The following ITPRID1 variants were observed in gnomAD, a reference collection of about 807,000 sequenced individuals.
The protein encoded by ITPRID1 is protein ITPRID1.
ITPRID1 carries 96 observed loss-of-function variants against 95.4 expected under a neutral mutation model. The ratio of observed to expected loss-of-function variants is 1.01; its 90% CI spans 0.85 to 1.19. The LOEUF (loss-of-function observed/expected upper bound fraction) is 1.19, where lower values mean the gene tolerates loss of function less well. ITPRID1 is among the 50% of genes most tolerant of loss of function. The pLI, the probability that ITPRID1 is intolerant of heterozygous loss-of-function variation, is 0.00. For synonymous variants in ITPRID1, 510 were observed against 453.6 expected (o/e 1.12, Z -1.58); for missense variants, 1,339 against 1,252.9 (o/e 1.07, Z -1.04).
chr7:31,616,813 C>T (rs898939715), intron 10 of ITPRID1, among the ~76,000 whole-genome samples: 33 of 152,002 alleles, frequency 2.2e-4, no homozygotes, highest in African/African-American at 7.5e-4. Context: ...AGCATAAAAA[C>T]ATTAGATTGT....
chr7:31,634,190 C>T (rs1490335677), intron 10 of ITPRID1, among the ~76,000 whole-genome samples: 1 of 152,158 alleles, frequency 6.6e-6, no homozygotes, highest in Non-Finnish European at 1.5e-5. Context: ...GTAGAGTAGT[C>T]CTGCCCCAAG....
chr7:31,536,935 G>A (rs998253179), intron 1 of ITPRID1, among the ~76,000 whole-genome samples: 22 of 152,234 alleles, frequency 1.4e-4, no homozygotes, highest in African/African-American at 4.6e-4. Context: ...GTCTTGGAAA[G>A]CTTAGAGGAG....
At chr7:31,537,103 G>GTGTGTT (rs1783785570) in intron 1 of ITPRID1, among the ~76,000 whole-genome samples, 1 of 119,858 alleles carries the variant, frequency 8.3e-6, no homozygotes, top group Non-Finnish European at 2.1e-5. Flanking sequence ...TGTTGTGTGT[G>GTGTGTT]TGTGTGTGTG....
chr7:31,638,295 T>A (rs1427625617), intron 10 of ITPRID1, among the ~76,000 whole-genome samples: 1 of 152,184 alleles, frequency 6.6e-6, no homozygotes, highest in Non-Finnish European at 1.5e-5. Flanking sequence ...ACTAGTAAAT[T>A]TCTTATAATA....
chr7:31,648,330 AAAAG>A (rs1440546139), intron 12 of ITPRID1, among the ~76,000 whole-genome samples: 1 of 151,366 alleles, frequency 6.6e-6, no homozygotes, highest in African/African-American at 2.4e-5. Flanking sequence ...TATTGTAAGA[AAAAG>A]AAGAAGAAGA....
At chr7:31,634,384 G>A (rs1009501505) in intron 10 of ITPRID1, among the ~76,000 whole-genome samples, 3 of 152,046 alleles carry the variant, frequency 2.0e-5, no homozygotes, top group African/African-American at 7.2e-5. Context: ...ACATTATGTA[G>A]CCTATATATT....
At position 31,574,599 on chromosome 7, in the gene ITPRID1, G is replaced by C. The variant is rs753275532; in HGVS notation, c.455G>C (p.Gly152Ala). ...IDPVEILLDL[G>A]FGADEPDICM... ...CCAGTGGAGATTCTCTTGGATCTGG[G>C]GTTTGGTGCTGATGAGCCAGACATC... The change falls in exon 8 of 15, where the codon GGG becomes GCG. Residue 152 changes from glycine to alanine, a missense_variant. Transcript: ENST00000615280. 2 of 1,613,898 alleles carry C rather than the reference G, an allele frequency of 1.2e-6. No homozygotes were observed. The highest frequency in any genetic ancestry group is 1.7e-6 in the Non-Finnish European group (2 of 1,179,846).
At chr7:31,537,382 C>T (rs895930813) in intron 1 of ITPRID1, among the ~76,000 whole-genome samples, 1 of 152,070 alleles carries the variant, frequency 6.6e-6, no homozygotes, top group Non-Finnish European at 1.5e-5. Context: ...TTTACTGCTT[C>T]ACAAATATGA....
intron 10 of ITPRID1, among the ~76,000 whole-genome samples, chr7:31,622,073 C>G (rs1342051162): frequency 5.0e-5 from 7 of 140,694 alleles, no homozygotes; most frequent in Non-Finnish European, 9.3e-5. Flanking sequence ...AATATATATG[C>G]ACCCAATACA....
intron 1 of ITPRID1, among the ~76,000 whole-genome samples, chr7:31,530,430 A>AG (rs1783558950): frequency 1.3e-5 from 2 of 152,224 alleles, no homozygotes; most frequent in Admixed American, 6.5e-5. Flanking sequence ...GATAAAATTT[A>AG]GGATGCCCAG....
intron 1 of ITPRID1, among the ~76,000 whole-genome samples, chr7:31,526,680 T>C (rs889718953): frequency 6.6e-6 from 1 of 152,170 alleles, no homozygotes; most frequent in Non-Finnish European, 1.5e-5. Context: ...GTTGGAAAAC[T>C]GAGATCAATT....
intron 10 of ITPRID1, among the ~76,000 whole-genome samples, chr7:31,600,728 C>G (rs745488991): frequency 6.6e-6 from 1 of 152,090 alleles, no homozygotes; most frequent in Non-Finnish European, 1.5e-5. Flanking sequence ...TGGGAATCAT[C>G]GAGGCTTTCT....
intron 1 of ITPRID1, among the ~76,000 whole-genome samples, chr7:31,543,942 T>C (rs1181872219): frequency 6.6e-6 from 1 of 152,114 alleles, no homozygotes. Context: ...TAGTTTTTGA[T>C]CTAGATTAGT....
chr7:31,553,354 C>A (rs1463039342), intron 3 of ITPRID1, among the ~76,000 whole-genome samples, 167 bp downstream of exon 3: 1 of 152,206 alleles, frequency 6.6e-6, no homozygotes, highest in East Asian at 1.9e-4. Context: ...GCACTTCTGA[C>A]TTCTGCTATA....
intron 14 of ITPRID1, 31 bp downstream of exon 14, chr7:31,652,081 T>G: frequency 6.9e-7 from 1 of 1,448,812 alleles, no homozygotes; most frequent in Non-Finnish European, 9.5e-7. Flanking sequence ...AGTTTGACTA[T>G]ATCCAGCCTA....
At chr7:31,609,493 C>A (rs891193231) in intron 10 of ITPRID1, among the ~76,000 whole-genome samples, 5 of 151,542 alleles carry the variant, frequency 3.3e-5, no homozygotes, top group African/African-American at 9.7e-5. Flanking sequence ...TGTTACAGGT[C>A]TATTAAAATT....
At position 31,655,488 on chromosome 7, in the gene ITPRID1, T is replaced by A. The variant is rs1791255938; in HGVS notation, c.*2659T>A. 6.6e-6 allele frequency among the ~76,000 whole-genome samples: 1 copy of A among 152,200 alleles called. No homozygotes were observed. Among genetic ancestry groups the A allele is most frequent in the African/African-American group, 2.4e-5 (1 of 41,444 alleles). ...CTCTCAGCCACCATGTGGGTCATAT[T>A]TGCTGGATCTACAGTGAATACCCAG... On this transcript the variant is annotated 3_prime_UTR_variant, in exon 15 of 15. Coordinates refer to ENST00000615280, the MANE Select transcript of ITPRID1 (RefSeq NM_001257967.3).
In ITPRID1 at chr7:31,577,892, C is replaced by G; in HGVS notation, c.628C>G (p.His210Asp). 2 of 1,608,676 alleles carry G rather than the reference C, an allele frequency of 1.2e-6. No individual in the cohort carries two copies. Among genetic ancestry groups the G allele is most frequent in the South Asian group, 1.1e-5 (1 of 90,336 alleles). ...TTTCCGACAGCTGGAAATCCTGGAC[C>G]ATGTGACCAATGCCTTCTCATCTCT... ...GRFRQLEILD[H>D]VTNAFSSLLS... is the part of the protein sequence containing the mutation. The change falls in exon 9 of 15, where the codon CAT becomes GAT. Residue 210 changes from histidine to aspartate, a missense_variant. Physicochemically the swap from His to Asp is moderately conservative, Grantham distance 81. Coordinates refer to ENST00000615280, the MANE Select transcript of ITPRID1 (RefSeq NM_001257967.3).
rs1333864275 is a variant in ITPRID1, at chr7:31,653,288, T to C, written c.*459T>C. On this transcript the variant is annotated 3_prime_UTR_variant, in exon 15 of 15. Coordinates refer to ENST00000615280, the MANE Select transcript of ITPRID1 (RefSeq NM_001257967.3). ...TAATGGGGAAAGAGGTGTGGGTACA[T>C]AGGAGGCAAACAGTTGCATTTTTTT... 3 of 161,512 alleles carry C rather than the reference T, an allele frequency of 1.9e-5. No individual in the cohort carries two copies. The highest frequency in any genetic ancestry group is 3.4e-4 in the South Asian group (2 of 5,842). The allele number at this position is 161,512 out of a possible 1,614,324, so 10.0% of individuals were successfully genotyped here. A position where few individuals can be genotyped will look rare whatever the true frequency, so the allele number is the denominator to read the frequency against.
Sources: gnomAD v4.1 joint callset for allele counts (sites outside exome capture counted in the v4.1 genomes callset) on GRCh38, gnomAD v4.1.1 for gene constraint, MANE v1.5 for transcripts, NCBI Gene and HGNC (gene_info 2026-07-23, HGNC 2026-07-21) for gene names.